Variants in NBAS observed in about 807,000 individuals in gnomAD.
The protein encoded by NBAS is NBAS subunit of NRZ tethering complex, also known as NAG/BC035112 fusion.
In NBAS, 219 loss-of-function variants were observed where a neutral mutation model predicts 302.5. The ratio of observed to expected loss-of-function variants is 0.72; its 90% CI spans 0.65 to 0.81. The LOEUF (loss-of-function observed/expected upper bound fraction) is 0.81. Ranked by LOEUF, NBAS falls within the 30% of genes least tolerant of loss-of-function variation. The pLI is 0.00. For synonymous variants in NBAS, 1,118 were observed against 1,021.6 expected (o/e 1.09, Z -1.80); for missense variants, 2,932 against 2,841.6 (o/e 1.03, Z -0.72).
chr2:15,304,026 A>C (rs1670923209), intron 40 of NBAS, among the ~76,000 whole-genome samples: 1 of 152,186 alleles, frequency 6.6e-6, no homozygotes, highest in Non-Finnish European at 1.5e-5. Flanking sequence ...GGTGTGGCAC[A>C]TGAGGGATGC....
At chr2:15,079,588 C>A in the NBAS span, among the ~76,000 whole-genome samples, 1 of 152,196 alleles carries the variant, frequency 6.6e-6, no homozygotes, top group African/African-American at 2.4e-5. Flanking sequence ...TCTGAAGTAG[C>A]AGAGCCTGAG....
chr2:15,229,962 T>C (rs1336055186), intron 47 of NBAS, among the ~76,000 whole-genome samples: 2 of 152,076 alleles, frequency 1.3e-5, no homozygotes, highest in Non-Finnish European at 2.9e-5. Flanking sequence ...CCCAAAAGCA[T>C]GTAATGTGCT....
chr2:15,395,090 A>C (rs1558300789), intron 27 of NBAS, among the ~76,000 whole-genome samples: 1 of 152,136 alleles, frequency 6.6e-6, no homozygotes, highest in South Asian at 2.1e-4. Context: ...CAAAGCTCTT[A>C]GTTTGAAAGC....
chr2:15,300,760 C>T (rs1050009841), intron 40 of NBAS, among the ~76,000 whole-genome samples: 101 of 152,308 alleles, frequency 6.6e-4, no homozygotes, highest in African/African-American at 2.4e-3. Flanking sequence ...AAAATAACTG[C>T]TTCCATGGGT....
At chr2:14,904,074 T>G in the NBAS span, among the ~76,000 whole-genome samples, 2 of 152,252 alleles carry the variant, frequency 1.3e-5, no homozygotes, top group Non-Finnish European at 2.9e-5. Context: ...TCACATTTTA[T>G]AATTATCTGT....
At chr2:15,528,883 A>ATATATATATATATGTGTG (rs1553333181) in intron 9 of NBAS, among the ~76,000 whole-genome samples, 4 of 31,822 alleles carry the variant, frequency 1.3e-4, no homozygotes, top group African/African-American at 3.6e-4. Context: ...AAAAAAATAT[A>ATATATATATATATGTGTG]TATATATATA....
At chr2:15,205,205 C>G (rs1290113213) in intron 48 of NBAS, among the ~76,000 whole-genome samples, 5 of 151,920 alleles carry the variant, frequency 3.3e-5, no homozygotes, top group Non-Finnish European at 7.4e-5. Flanking sequence ...AGTTATAACA[C>G]AGAATTTGTA....
At chr2:15,167,928 T>C (rs760685468) in intron 51 of NBAS, among the ~76,000 whole-genome samples, 3 of 152,156 alleles carry the variant, frequency 2.0e-5, no homozygotes, top group African/African-American at 7.2e-5. Context: ...CTGATACGAG[T>C]AAGATAACCA....
At chr2:15,305,976 G>GA (rs927967574) in intron 40 of NBAS, among the ~76,000 whole-genome samples, 11 of 152,246 alleles carry the variant, frequency 7.2e-5, no homozygotes, top group East Asian at 1.9e-4. Flanking sequence ...CCTTTAGGGG[G>GA]AAAAAATTCA....
chr2:15,443,033 T>A (rs984223100), intron 21 of NBAS, among the ~76,000 whole-genome samples: 4 of 150,336 alleles, frequency 2.7e-5, no homozygotes, highest in African/African-American at 9.8e-5. Flanking sequence ...CCAAAAAGAG[T>A]CCAGGACCAG....
chr2:15,523,136 C>T (rs1309378755), intron 9 of NBAS, among the ~76,000 whole-genome samples: 1 of 152,168 alleles, frequency 6.6e-6, no homozygotes, highest in African/African-American at 2.4e-5. Flanking sequence ...TCACTAGTGA[C>T]ACTTCGTATG....
chr2:15,401,773 A>C (rs1328342810), intron 26 of NBAS, among the ~76,000 whole-genome samples: 1 of 152,072 alleles, frequency 6.6e-6, no homozygotes, highest in Non-Finnish European at 1.5e-5. Flanking sequence ...CTATAGGCAA[A>C]GGCCAAGAAG....
At chr2:15,429,886 A>G (rs889184848) in intron 21 of NBAS, among the ~76,000 whole-genome samples, 2 of 152,218 alleles carry the variant, frequency 1.3e-5, no homozygotes, top group Non-Finnish European at 2.9e-5. Context: ...TTCCATGTCA[A>G]TAACTAATAT....
At chr2:15,316,615 C>T (rs1010419149) in intron 38 of NBAS, among the ~76,000 whole-genome samples, 1 of 152,248 alleles carries the variant, frequency 6.6e-6, no homozygotes, top group African/African-American at 2.4e-5. Context: ...TGGAGCCTTG[C>T]TCACTGCTAG....
At chr2:14,814,822 C>T in the NBAS span, among the ~76,000 whole-genome samples, 78 of 152,230 alleles carry the variant, frequency 5.1e-4, 1 homozygote, top group African/African-American at 1.8e-3. Context: ...TGTGTCCCCC[C>T]CCAAACTGCA....
At chr2:15,452,445 G>A (rs1029310540) in intron 21 of NBAS, among the ~76,000 whole-genome samples, 9 of 57,998 alleles carry the variant, frequency 1.6e-4, no homozygotes, top group East Asian at 1.4e-3. Flanking sequence ...AAAATTAGTC[G>A]GGCGTGGTGG....
At chr2:15,497,492 T>C (rs1572931887) in intron 11 of NBAS, among the ~76,000 whole-genome samples, 1 of 152,178 alleles carries the variant, frequency 6.6e-6, no homozygotes, top group Non-Finnish European at 1.5e-5. Flanking sequence ...AATTTTCAGG[T>C]ATCTCCCTTT....
At chr2:14,813,712 A>G in the NBAS span, among the ~76,000 whole-genome samples, 1 of 152,220 alleles carries the variant, frequency 6.6e-6, no homozygotes, top group Admixed American at 6.5e-5. Flanking sequence ...CAGCCTAACC[A>G]TGTGGGAGAA....
At chr2:15,554,259 T>A (rs1470335807) in intron 3 of NBAS, 121 bp from the exon 4 acceptor site, 2 of 875,534 alleles carry the variant, frequency 2.3e-6, no homozygotes, top group Non-Finnish European at 3.7e-6. Flanking sequence ...ATATAAAATT[T>A]GAATATTAGC....
Sources: gnomAD v4.1 joint callset for allele counts (sites outside exome capture counted in the v4.1 genomes callset) on GRCh38, gnomAD v4.1.1 for gene constraint, MANE v1.5 for transcripts, NCBI Gene and HGNC (gene_info 2026-07-23, HGNC 2026-07-21) for gene names.